Variants in PRRC2C observed in about 807,000 individuals in gnomAD.
PRRC2C encodes proline rich coiled-coil 2C.
Under a neutral mutation model 317.2 loss-of-function variants are expected in PRRC2C, and 72 were observed. The observed-to-expected ratio is 0.23, with a 90% CI of 0.19 to 0.28. The LOEUF (loss-of-function observed/expected upper bound fraction) is 0.28. Among genes scored for constraint, PRRC2C ranks in the 10% least tolerant of loss-of-function variants. PRRC2C has a pLI of 1.00. For synonymous variants in PRRC2C, 1,296 were observed against 1,205.9 expected, an observed-to-expected ratio of 1.07 and a Z score of -1.55; for missense variants, 3,074 against 3,459.7, an observed-to-expected ratio of 0.89 and a Z score of 2.80.
intron 15 of PRRC2C, among the ~76,000 whole-genome samples, chr1:171,539,240 A>G (rs1393493416): frequency 8.6e-5 from 13 of 151,690 alleles, no homozygotes; most frequent in Non-Finnish European, 1.3e-4. Flanking sequence ...ACCTCAGGTG[A>G]TCCGCCCTCC....
chr1:171,563,073 C>G (rs1311238469), intron 20 of PRRC2C, among the ~76,000 whole-genome samples: 1 of 152,012 alleles, frequency 6.6e-6, no homozygotes, highest in Non-Finnish European at 1.5e-5. Context: ...ACATGATGGT[C>G]ACTGATGACT....
intron 28 of PRRC2C, among the ~76,000 whole-genome samples, chr1:171,583,390 G>C (rs1023836293): frequency 1.3e-5 from 2 of 151,730 alleles, no homozygotes; most frequent in South Asian, 4.2e-4. Context: ...CGCAGGGCTA[G>C]GATCATCAAT....
rs767065041 is a variant in PRRC2C, at chr1:171,571,283, A to T, written c.6652-37A>T. The T allele has an allele frequency of 2.4e-6, 3 of 1,246,606 alleles. No homozygotes were observed. The South Asian group carries it at 3.7e-5, about 15-fold the overall frequency. The allele number at this position is 1,246,606 out of a possible 1,614,324, so 77.2% of individuals were successfully genotyped here. On this transcript the variant is annotated intron_variant, in intron 23 of 34. Coordinates refer to ENST00000647382, the MANE Select transcript of PRRC2C (RefSeq NM_001387844.1). ...TTAATGGGGCTTTCGTAGTAGACACATAGTTAGATTGTGATATGTGTTGCC... is the reference window on the plus strand; with the variant it reads ...TTAATGGGGCTTTCGTAGTAGACACTTAGTTAGATTGTGATATGTGTTGCC...
chr1:171,532,862 G>A lies in PRRC2C; in HGVS notation c.1774G>A (p.Glu592Lys), dbSNP rs1337914170. ...MKEQEKECEL[E>K]KEREKLEEKI... ...AGAACAAGAAAAGGAATGTGAGCTG[G>A]AGAAGGAAAGGGAAAAATTAGAGGA... The change falls in exon 12 of 35, where the codon GAG becomes AAG. Residue 592 changes from glutamate (E) to lysine (K), a missense_variant. Physicochemically the swap from Glu to Lys is moderately conservative, Grantham distance 56. Coordinates refer to ENST00000647382, the MANE Select transcript of PRRC2C (RefSeq NM_001387844.1). The A allele has an allele frequency of 6.3e-7, 1 of 1,593,170 alleles. No homozygotes were observed. The highest frequency in any genetic ancestry group is 1.9e-5 in the Admixed American group (1 of 53,642).
intron 1 of PRRC2C, among the ~76,000 whole-genome samples, chr1:171,496,922 C>T (rs1668220898): frequency 6.6e-6 from 1 of 151,998 alleles, no homozygotes; most frequent in East Asian, 1.9e-4. Context: ...CTGCTTCAAT[C>T]TCCTGGTTGG....
At position 171,591,876 on chromosome 1, in the gene PRRC2C, A is replaced by AG. The variant is rs564222385; in HGVS notation, c.*35dup. ...CTATGGTTTATTGCAGGGGATTGGG[A>AG]GGGGGGCGGGAAAACATGGAGAATT... is the stretch of plus-strand genomic sequence containing the variant. On this transcript the variant is annotated 3_prime_UTR_variant, in exon 35 of 35. Coordinates refer to ENST00000647382, the MANE Select transcript of PRRC2C (RefSeq NM_001387844.1). 46 of 616,348 alleles carry AG rather than the reference A, an allele frequency of 7.5e-5. No individual in the cohort carries two copies. The African/African-American group carries it at 7.5e-4, about 10-fold the overall frequency. 38.2% of individuals were successfully genotyped at this position (616,348 alleles called of 1,614,324 possible). A position where few individuals can be genotyped will look rare whatever the true frequency, so the allele number is the denominator to read the frequency against.
In PRRC2C at chr1:171,505,727, G is replaced by T. The variant is rs556307429; in HGVS notation, c.-57-6305G>T. Among the ~76,000 whole-genome samples the T allele has an allele frequency of 7.0e-3, 1,058 of 152,084 alleles. 15 individuals are homozygous for T. The highest frequency in any genetic ancestry group is 0.024 in the African/African-American group (1,004 of 41,486). On this transcript the variant is annotated intron_variant, in intron 1 of 34. Coordinates refer to ENST00000647382, the MANE Select transcript of PRRC2C (RefSeq NM_001387844.1). The stretch of plus-strand genomic sequence containing the variant: ...TCTATTCCTATTTATTGAGGTTTTT[G>T]TTTTGTTTCTGTTTTTCAAATCAGG...
chr1:171,513,505 T>C (rs1671758343), intron 3 of PRRC2C: 2 of 465,194 alleles, frequency 4.3e-6, no homozygotes, highest in African/African-American at 4.0e-5. Context: ...AATTCCATGA[T>C]ACTAAGGATG....
In PRRC2C at chr1:171,542,527, G is replaced by A. The variant is rs183165884; in HGVS notation, c.4763+298G>A. Among the ~76,000 whole-genome samples, 8 of 152,302 alleles carry A rather than the reference G, an allele frequency of 5.3e-5. No homozygotes were observed. In the South Asian group the frequency reaches 1.2e-3, roughly 24 times the overall value. The stretch of plus-strand genomic sequence containing the variant: ...CATGTACTGTGTCCTTATTTGGTAA[G>A]TTATCTGATGAGTAGCCCTCCCTTC... On this transcript the variant is annotated intron_variant, in intron 16 of 34. Transcript: ENST00000647382.
chr1:171,516,410 G>A (rs188426209), intron 5 of PRRC2C, among the ~76,000 whole-genome samples: 187 of 152,276 alleles, frequency 1.2e-3, no homozygotes, highest in African/African-American at 3.3e-3. Flanking sequence ...ACATGGGGAG[G>A]TTCGTCTATG....
intron 23 of PRRC2C, 124 bp downstream of exon 23, chr1:171,568,463 A>G (rs1298826630): frequency 7.2e-7 from 1 of 1,395,462 alleles, no homozygotes; most frequent in Non-Finnish European, 9.4e-7. Context: ...AGTTGATAGT[A>G]AATTTGTGTT....
chr1:171,535,568 T>G lies in PRRC2C; in HGVS notation c.2014T>G (p.Ser672Ala), dbSNP rs758902225. The G allele has an allele frequency of 4.3e-5, 69 of 1,613,668 alleles. No homozygotes were observed. The highest frequency in any genetic ancestry group is 5.8e-5 in the Non-Finnish European group (68 of 1,179,848). The stretch of plus-strand genomic sequence containing the variant: ...TGGCTATTTCAAACAGTTTCAGAAG[T>G]CTTTACCTCCACGATTCCAGCGGCA... ...LSGYFKQFQK[S>A]LPPRFQRQQE... The change falls in exon 13 of 35, where the codon TCT becomes GCT. Residue 672 changes from serine (S) to alanine (A), a missense_variant. Ser to Ala is a moderately conservative substitution (Grantham distance 99, BLOSUM62 1). This residue lies in a region of PRRC2C where 1,320 missense variants were observed against 1,395.7 expected (regional missense o/e 0.95). Transcript: ENST00000647382.
intron 23 of PRRC2C, among the ~76,000 whole-genome samples, chr1:171,571,017 A>G (rs1479087314): frequency 6.6e-6 from 1 of 152,198 alleles, no homozygotes; most frequent in East Asian, 1.9e-4. Context: ...CAGGTGATTT[A>G]TGTACATATT....
At chr1:171,497,501 T>C (rs1668338613) in intron 1 of PRRC2C, among the ~76,000 whole-genome samples, 1 of 152,202 alleles carries the variant, frequency 6.6e-6, no homozygotes, top group Non-Finnish European at 1.5e-5. Context: ...AGGGTCTTAC[T>C]CTGTCTATTG....
chr1:171,515,983 G>T, intron 5 of PRRC2C, 124 bp downstream of exon 5: 1 of 1,028,136 alleles, frequency 9.7e-7, no homozygotes, highest in East Asian at 2.7e-5. Flanking sequence ...TTGTACTATA[G>T]TCACTTGCTA....
chr1:171,552,874 A>T (rs933746448), intron 18 of PRRC2C, among the ~76,000 whole-genome samples: 2 of 152,120 alleles, frequency 1.3e-5, no homozygotes, highest in Non-Finnish European at 2.9e-5. Flanking sequence ...CCAGTATTTT[A>T]TTGAGGATTT....
chr1:171,536,111 G>C lies in PRRC2C; in HGVS notation c.2126G>C (p.Ser709Thr). 2 of 1,569,124 alleles carry C rather than the reference G, an allele frequency of 1.3e-6. No individual in the cohort carries two copies. Among genetic ancestry groups the C allele is most frequent in the Non-Finnish European group, 1.7e-6 (2 of 1,155,732 alleles). The stretch of plus-strand genomic sequence containing the variant: ...ACTGTTCCTTCACAACCGTCCAGTA[G>C]TACTGTCCCTCCTCCACCACACAGA... The part of the protein sequence containing the change: ...PQTVPSQPSS[S>T]TVPPPPHRPL... The change falls in exon 14 of 35, where the codon AGT becomes ACT. Residue 709 changes from serine (S) to threonine (T), a missense_variant. Ser to Thr is a moderately conservative substitution (Grantham distance 58). Transcript: ENST00000647382.
At position 171,540,187 on chromosome 1, in the gene PRRC2C, CGCT is replaced by C; in HGVS notation, c.2722_2724del (p.Ala908del). ...AAGCACCTGATCAAAAGACCTTATC[CGCT>C]CCTCAAGAGGAGCGGATTTCAGCTG... is the stretch of plus-strand genomic sequence containing the variant. On this transcript the variant is annotated inframe_deletion, in exon 16 of 35. Coordinates refer to ENST00000647382, the MANE Select transcript of PRRC2C (RefSeq NM_001387844.1). The C allele has an allele frequency of 1.2e-6, 2 of 1,613,820 alleles. No individual in the cohort carries two copies. Among genetic ancestry groups the C allele is most frequent in the African/African-American group, 1.3e-5 (1 of 74,994 alleles).
intron 23 of PRRC2C, among the ~76,000 whole-genome samples, chr1:171,570,067 G>GT (rs893053180): frequency 1.3e-5 from 2 of 152,102 alleles, no homozygotes; most frequent in African/African-American, 4.8e-5. Context: ...TGTAGCCAGG[G>GT]TATGTTTGAA....
Sources: allele counts gnomAD v4.1 joint callset (sites outside exome capture counted in the v4.1 genomes callset), GRCh38; gene constraint gnomAD v4.1.1; regional missense constraint gnomAD v4.1.1; transcripts MANE v1.5; gene names NCBI Gene and HGNC (gene_info 2026-07-23, HGNC 2026-07-21).